ELMO1: variants seen among roughly 807,000 people sequenced by gnomAD.
The protein encoded by ELMO1 is engulfment and cell motility 1, also known as engulfment and cell motility protein 1.
Under a neutral mutation model 98.9 loss-of-function variants are expected in ELMO1, and 26 were observed. That is an observed-to-expected ratio of 0.26 (90% CI 0.19 to 0.36). The LOEUF is 0.36. Among genes scored for constraint, ELMO1 ranks in the 10% least tolerant of loss-of-function variants. The pLI is 1.00. For missense variants in ELMO1, 627 were observed against 935.2 expected, an observed-to-expected ratio of 0.67 and a Z score of 4.30; for synonymous variants, 346 against 346.0, an observed-to-expected ratio of 1.00 and a Z score of 0.00.
chr7:37,238,337 GA>G (rs1259375729), intron 7 of ELMO1, among the ~76,000 whole-genome samples: 24 of 152,032 alleles, frequency 1.6e-4, no homozygotes, highest in African/African-American at 4.8e-4. Flanking sequence ...TTTATAAGTG[GA>G]AATTTTAAAA....
At chr7:37,193,000 TATATATATAC>T (rs879604799) in intron 13 of ELMO1, among the ~76,000 whole-genome samples, 10,054 of 102,032 alleles carry the variant, frequency 0.099, 494 homozygotes, top group South Asian at 0.24. Flanking sequence ...TATATATATA[TATATATATAC>T]ACACACACAC....
At chr7:37,054,186 T>C (rs1051904946) in intron 15 of ELMO1, among the ~76,000 whole-genome samples, 1 of 152,218 alleles carries the variant, frequency 6.6e-6, no homozygotes, top group African/African-American at 2.4e-5. Context: ...TTATTTTTGG[T>C]AGAAATTAAA....
intron 16 of ELMO1, among the ~76,000 whole-genome samples, chr7:36,934,273 A>T (rs1026539289): frequency 6.6e-6 from 1 of 152,262 alleles, no homozygotes; most frequent in African/African-American, 2.4e-5. Context: ...AGGCTGCTGC[A>T]ACGCTTTCTT....
At chr7:36,876,065 ACCT>A (rs1319579109) in intron 19 of ELMO1, among the ~76,000 whole-genome samples, 2 of 151,800 alleles carry the variant, frequency 1.3e-5, no homozygotes, top group African/African-American at 4.8e-5. Context: ...GCTGTGGGGG[ACCT>A]CCTAGGGAGC....
chr7:36,928,312 G>A (rs1057183250), intron 16 of ELMO1, among the ~76,000 whole-genome samples: 2 of 151,980 alleles, frequency 1.3e-5, no homozygotes, highest in African/African-American at 4.8e-5. Context: ...CTTTCCCACC[G>A]ACTCAACAGG....
chr7:37,432,905 A>G (rs1015945439), intron 1 of ELMO1, among the ~76,000 whole-genome samples: 2 of 152,258 alleles, frequency 1.3e-5, no homozygotes, highest in East Asian at 1.9e-4. Context: ...TTATAAGTAG[A>G]CAAGCAAGTA....
chr7:37,092,131 G>A (rs1784130300), intron 15 of ELMO1, among the ~76,000 whole-genome samples: 1 of 151,982 alleles, frequency 6.6e-6, no homozygotes, highest in Admixed American at 6.6e-5. Flanking sequence ...ATTCTTCTTT[G>A]TAATTTTTGA....
chr7:37,254,919 C>T (rs1453308276), intron 6 of ELMO1, among the ~76,000 whole-genome samples: 3 of 152,076 alleles, frequency 2.0e-5, no homozygotes, highest in South Asian at 4.1e-4. Context: ...ACCTGCTGTC[C>T]CCCATCCTGG....
At chr7:37,286,964 G>A (rs1797422733) in intron 4 of ELMO1, among the ~76,000 whole-genome samples, 1 of 152,192 alleles carries the variant, frequency 6.6e-6, no homozygotes, top group Admixed American at 6.5e-5. Context: ...GGAGGTGGAG[G>A]CGGGCAGATC....
In ELMO1 at chr7:37,216,654, G is replaced by T. The variant is rs763873634; in HGVS notation, c.822C>A (p.Ile274=). The T allele has an allele frequency of 1.9e-6, 3 of 1,614,138 alleles. No homozygotes were observed. Among genetic ancestry groups the T allele is most frequent in the Non-Finnish European group, 2.5e-6 (3 of 1,179,998 alleles). ...GCGCATAGGTACTCACTGTTAAAAT[G>T]ATGGAACGCAGTTGCTTCTGAGCCA... ...NILAQKQLRS[I]ILTHVIRAQR... is the part of the protein sequence containing the mutation. The change falls in exon 11 of 22, where the codon ATC becomes ATA. Residue 274 remains isoleucine, a synonymous_variant. Coordinates refer to ENST00000310758, the MANE Select transcript of ELMO1 (RefSeq NM_014800.11).
At chr7:37,082,398 C>A (rs1797912106) in intron 15 of ELMO1, among the ~76,000 whole-genome samples, 1 of 151,828 alleles carries the variant, frequency 6.6e-6, no homozygotes, top group Non-Finnish European at 1.5e-5. Context: ...GAAAAACATG[C>A]AGAATGAGAA....
intron 16 of ELMO1, among the ~76,000 whole-genome samples, chr7:36,980,328 G>T (rs1790937056): frequency 6.6e-6 from 1 of 152,220 alleles, no homozygotes; most frequent in Admixed American, 6.5e-5. Context: ...ACTTAGTGCT[G>T]TGTTAAGAAG....
chr7:36,950,721 G>C (rs1787898720), intron 16 of ELMO1, among the ~76,000 whole-genome samples: 1 of 152,344 alleles, frequency 6.6e-6, no homozygotes, highest in African/African-American at 2.4e-5. Flanking sequence ...GAGGGACAGA[G>C]CCCTTATGGA....
intron 1 of ELMO1, among the ~76,000 whole-genome samples, chr7:37,356,645 GAA>G (rs1271863900): frequency 1.3e-5 from 2 of 151,680 alleles, no homozygotes; most frequent in Non-Finnish European, 2.9e-5. Context: ...GGAATTACGA[GAA>G]ATACCTAATA....
Position 37,233,205 on chromosome 7 carries a change from CAG to C in ELMO1, c.450-13_450-12del, listed in dbSNP as rs747264711. The C allele has an allele frequency of 1.2e-5, 19 of 1,608,726 alleles. No homozygotes were observed. Among genetic ancestry groups the C allele is most frequent in the Non-Finnish European group, 1.6e-5 (19 of 1,177,962 alleles). On this transcript the variant is annotated splice_polypyrimidine_tract_variant and intron_variant, in intron 7 of 21. Coordinates refer to ENST00000310758, the MANE Select transcript of ELMO1 (RefSeq NM_014800.11). ...AGCATGTCTCCAAAGCTGAAAAAGA[CAG>C]AGAGGCACAAGAGTCAAGAGCCCCA...
chr7:37,333,530 G>A (rs559136247), intron 2 of ELMO1, among the ~76,000 whole-genome samples: 8 of 152,234 alleles, frequency 5.3e-5, no homozygotes, highest in African/African-American at 1.9e-4. Context: ...GTTCATTCTC[G>A]CTCAATTAAA....
At chr7:37,098,342 A>G (rs1784468265) in intron 14 of ELMO1, among the ~76,000 whole-genome samples, 1 of 152,248 alleles carries the variant, frequency 6.6e-6, no homozygotes, top group Non-Finnish European at 1.5e-5. Context: ...ATTGAAGGAC[A>G]CAAAAACAAA....
chr7:37,062,608 T>C (rs1200554861), intron 15 of ELMO1, among the ~76,000 whole-genome samples: 25 of 152,106 alleles, frequency 1.6e-4, no homozygotes, highest in Non-Finnish European at 1.5e-5. Flanking sequence ...GAAATGAAAG[T>C]GGGGAAAGGG....
chr7:37,412,680 C>T (rs1383265170), intron 1 of ELMO1, among the ~76,000 whole-genome samples: 4 of 152,204 alleles, frequency 2.6e-5, no homozygotes, highest in African/African-American at 9.7e-5. Context: ...CTAGACCCAC[C>T]TTAGTGACTC....
Sources: allele counts gnomAD v4.1 joint callset (sites outside exome capture counted in the v4.1 genomes callset), GRCh38; gene constraint gnomAD v4.1.1; transcripts MANE v1.5; gene names NCBI Gene and HGNC (gene_info 2026-07-23, HGNC 2026-07-21).